GLDC: variants seen among roughly 807,000 people sequenced by gnomAD.
The protein encoded by GLDC is glycine dehydrogenase (decarboxylating), mitochondrial.
Under a neutral mutation model 121.3 loss-of-function variants are expected in GLDC, and 104 were observed. The ratio of observed to expected loss-of-function variants is 0.86; its 90% CI spans 0.73 to 1.01. GLDC has a LOEUF of 1.01. GLDC is among the 50% of genes least tolerant of loss of function. The pLI is 0.00. For missense variants in GLDC, 1,429 were observed against 1,306.6 expected (o/e 1.09, Z -1.44); for synonymous variants, 546 against 480.6 (o/e 1.14, Z -1.78).
chr9:6,640,317 CTT>C (rs1819604065), intron 2 of GLDC, among the ~76,000 whole-genome samples: 1 of 152,230 alleles, frequency 6.6e-6, no homozygotes, highest in Non-Finnish European at 1.5e-5. Flanking sequence ...AAAGGAAAGC[CTT>C]GTCACAGACT....
intron 4 of GLDC, among the ~76,000 whole-genome samples, chr9:6,607,454 A>G (rs1182222934): frequency 6.6e-6 from 1 of 151,774 alleles, no homozygotes; most frequent in African/African-American, 2.4e-5. Context: ...ATGGTGGTGC[A>G]CGCCTGTAAT....
At chr9:6,617,026 G>C (rs1818979626) in intron 3 of GLDC, among the ~76,000 whole-genome samples, 1 of 152,150 alleles carries the variant, frequency 6.6e-6, no homozygotes, top group Non-Finnish European at 1.5e-5. Flanking sequence ...TTCTAGACCT[G>C]ATGTAAATTT....
chr9:6,555,078 A>AG, intron 18 of GLDC: 1 of 472,078 alleles, frequency 2.1e-6, no homozygotes, highest in Non-Finnish European at 3.9e-6. Context: ...CACACACCAC[A>AG]AAGGGAGAGA....
intron 8 of GLDC, among the ~76,000 whole-genome samples, chr9:6,599,720 C>CAAAAAAAAAAAAAAAAAAAAAAAAAAA (rs549444099): frequency 2.5e-5 from 3 of 120,740 alleles, no homozygotes; most frequent in African/African-American, 1.0e-4. Flanking sequence ...GACTCCATCT[C>CAAAAAAAAAAAAAAAAAAAAAAAAAAA]AAAAAAAAAA....
chr9:6,645,125 C>G, intron 1 of GLDC, 120 bp downstream of exon 1: 1 of 1,033,376 alleles, frequency 9.7e-7, no homozygotes, highest in Non-Finnish European at 1.4e-6. Flanking sequence ...CGGCCCGGGA[C>G]CCAGGGTGCG....
At chr9:6,569,698 T>G (rs1255946366) in intron 15 of GLDC, among the ~76,000 whole-genome samples, 2 of 150,124 alleles carry the variant, frequency 1.3e-5, no homozygotes, top group Admixed American at 6.6e-5. Flanking sequence ...CCAGGCACAG[T>G]GCCTCATGCC....
In GLDC at chr9:6,589,642, G is replaced by C. The variant is rs578086524; in HGVS notation, c.1483-350C>G. ...ATGTTTCACCATGCCGCCCAGGCTG[G>C]TCACAAACTCCTGGGCTCAAGCAAT... On this transcript the variant is annotated intron_variant, in intron 11 of 24. Coordinates refer to ENST00000321612, the MANE Select transcript of GLDC (RefSeq NM_000170.3). 5.3e-5 allele frequency among the ~76,000 whole-genome samples: 8 copies of C among 152,212 alleles called. No individual in the cohort carries two copies. The East Asian group carries it at 1.6e-3, about 30-fold the overall frequency.
At chr9:6,613,632 T>C (rs1818906317) in intron 3 of GLDC, among the ~76,000 whole-genome samples, 1 of 152,314 alleles carries the variant, frequency 6.6e-6, no homozygotes, top group East Asian at 1.9e-4. Context: ...TTCAGGTAAA[T>C]CTTGATTTAT....
At chr9:6,547,049 A>T (rs1236629922) in intron 21 of GLDC, among the ~76,000 whole-genome samples, 1 of 152,162 alleles carries the variant, frequency 6.6e-6, no homozygotes, top group Non-Finnish European at 1.5e-5. Context: ...CATTATTATT[A>T]GGTACTATAT....
At chr9:6,563,472 G>A (rs1817796730) in intron 16 of GLDC, among the ~76,000 whole-genome samples, 1 of 152,164 alleles carries the variant, frequency 6.6e-6, no homozygotes, top group Non-Finnish European at 1.5e-5. Flanking sequence ...TGGGCACCTC[G>A]TGGTGAAAGA....
intron 2 of GLDC, among the ~76,000 whole-genome samples, chr9:6,628,622 CA>C (rs1177583678): frequency 3.3e-5 from 5 of 151,092 alleles, no homozygotes; most frequent in South Asian, 2.1e-4. Flanking sequence ...CTCGTCTCTA[CA>C]AAAAAAAAGT....
intron 3 of GLDC, among the ~76,000 whole-genome samples, chr9:6,618,442 C>A (rs961362979): frequency 2.0e-5 from 3 of 151,962 alleles, no homozygotes; most frequent in Non-Finnish European, 4.4e-5. Flanking sequence ...CAACTAGCTG[C>A]GATTACAGGC....
intron 7 of GLDC, among the ~76,000 whole-genome samples, chr9:6,604,213 A>T (rs7035481): frequency 6.6e-6 from 1 of 152,146 alleles, no homozygotes; most frequent in Non-Finnish European, 1.5e-5. Flanking sequence ...CTCAGTGTGT[A>T]CTTTGCAGTC....
chr9:6,540,756 A>G (rs1817240085), intron 21 of GLDC: 1 of 154,878 alleles, frequency 6.5e-6, no homozygotes, highest in Non-Finnish European at 1.4e-5. Context: ...ACAAGGAGTT[A>G]ATGAGGCCAA....
Position 6,554,741 on chromosome 9 carries a change from G to C in GLDC, c.2243C>G (p.Ser748Trp), listed in dbSNP as rs769035358. The C allele has an allele frequency of 4.3e-6, 7 of 1,613,362 alleles. No homozygotes were observed. The highest frequency in any genetic ancestry group is 1.3e-5 in the African/African-American group (1 of 74,928). ...CRPGDFGSDV[S>W]HLNLHKTFCI... ...GAAGGTCTTGTGAAGATTTAGGTGC[G>C]AGACATCAGACCCGAAGTCTCCAGG... The change falls in exon 19 of 25, where the codon TCG becomes TGG. Residue 748 changes from serine to tryptophan, a missense_variant. Ser to Trp is a radical substitution (Grantham distance 177). Transcript: ENST00000321612.
In GLDC at chr9:6,556,340, G is replaced by A. The variant is rs200024642; in HGVS notation, c.2053-38C>T. On this transcript the variant is annotated intron_variant, in intron 17 of 24. Transcript: ENST00000321612. ...AGGGGTAGAGAAGGACATGGAGGGA[G>A]GATATGTTTCTTTCTTGGCCAAATC... 1.4e-3 allele frequency: 2,187 copies of A among 1,578,236 alleles called. 3 individuals are homozygous for A. Among genetic ancestry groups the A allele is most frequent in the Admixed American group, 2.0e-3 (122 of 59,978 alleles).
chr9:6,589,336 G>A, intron 11 of GLDC, 44 bp from the exon 12 acceptor site: 1 of 1,209,340 alleles, frequency 8.3e-7, no homozygotes, highest in Non-Finnish European at 1.2e-6. Context: ...ACTGTGCCTG[G>A]AGCCACATGT....
rs777341114 is a variant in GLDC, at chr9:6,592,961, G to A, written c.1291C>T (p.His431Tyr). ...TTCAAGGTATCAAAGAACAGGTCAT[G>A]CTGGAGTTGATGCCCTGCTCGCTTG... is the stretch of plus-strand genomic sequence containing the variant. Reference protein sequence around the residue: ...GLKRAGHQLQHDLFFDTLKIQ... With the variant: ...GLKRAGHQLQYDLFFDTLKIQ... Residue 431 changes from histidine (H) to tyrosine (Y), a missense_variant, in exon 10 of 25, where the codon CAT becomes TAT. Coordinates refer to ENST00000321612, the MANE Select transcript of GLDC (RefSeq NM_000170.3). The A allele has an allele frequency of 3.7e-6, 6 of 1,613,956 alleles. No homozygotes were observed. The South Asian group carries it at 6.6e-5, about 18-fold the overall frequency.
chr9:6,641,919 C>G (rs951700135), intron 2 of GLDC, among the ~76,000 whole-genome samples: 2 of 152,128 alleles, frequency 1.3e-5, no homozygotes, highest in Non-Finnish European at 2.9e-5. Context: ...CACATGAAGC[C>G]AAGTTTGAGT....
Sources: allele counts gnomAD v4.1 joint callset (sites outside exome capture counted in the v4.1 genomes callset), GRCh38; gene constraint gnomAD v4.1.1; transcripts MANE v1.5; gene names NCBI Gene and HGNC (gene_info 2026-07-23, HGNC 2026-07-21).